RABGEF1: variants seen among roughly 807,000 people sequenced by gnomAD.
RABGEF1 encodes rab5 GDP/GTP exchange factor.
A neutral mutation model predicts 57.3 loss-of-function variants in RABGEF1; 26 were observed. That is an observed-to-expected ratio of 0.45 (90% confidence interval 0.33 to 0.63). RABGEF1 has a LOEUF of 0.63. Ranked by LOEUF, RABGEF1 falls within the 20% of genes least tolerant of loss-of-function variation. RABGEF1 has a pLI of 0.02. For missense variants in RABGEF1, 464 were observed against 607.6 expected (o/e 0.76, Z 2.48); for synonymous variants, 185 against 210.7 (o/e 0.88, Z 1.06).
At chr7:66,664,304 G>T in the RABGEF1 span, among the ~76,000 whole-genome samples, 12 of 152,196 alleles carry the variant, frequency 7.9e-5, no homozygotes, top group East Asian at 2.1e-3. Flanking sequence ...TTTGGGCCAG[G>T]CGCAGTGACT....
At chr7:66,672,103 G>A in the RABGEF1 span, among the ~76,000 whole-genome samples, 2 of 151,590 alleles carry the variant, frequency 1.3e-5, no homozygotes, top group African/African-American at 2.4e-5. Flanking sequence ...GGCTGTGTCC[G>A]GCTGAGACTC....
chr7:66,744,646 C>T (rs1363735181), intron 1 of RABGEF1, among the ~76,000 whole-genome samples: 11 of 134,208 alleles, frequency 8.2e-5, no homozygotes, highest in African/African-American at 2.5e-4. Flanking sequence ...CCAGCCTGGG[C>T]GACAGAGCCA....
Position 66,795,992 on chromosome 7 carries a change from A to T in RABGEF1, c.595+400A>T, listed in dbSNP as rs889228142. Among the ~76,000 whole-genome samples the T allele has an allele frequency of 1.2e-4, 18 of 152,126 alleles. 1 individual carries two copies. The highest frequency in any genetic ancestry group is 1.0e-3 in the Admixed American group (16 of 15,268). On this transcript the variant is annotated intron_variant, in intron 5 of 8. Coordinates refer to ENST00000284957, the MANE Select transcript of RABGEF1 (RefSeq NM_014504.3). ...CGCCTCTATTAAAAATACAAAAAGTAGCCGGGTGTTGTGGTGCACCTCTTA... is the reference window on the plus strand; with the variant it reads ...CGCCTCTATTAAAAATACAAAAAGTTGCCGGGTGTTGTGGTGCACCTCTTA...
the RABGEF1 span, among the ~76,000 whole-genome samples, chr7:66,655,089 T>C: frequency 6.6e-6 from 1 of 152,144 alleles, no homozygotes; most frequent in African/African-American, 2.4e-5. Flanking sequence ...AGACCACAGC[T>C]CTTGGCCGCG....
chr7:66,717,825 G>A (rs1258036354), intron 2 of RABGEF1, among the ~76,000 whole-genome samples: 1 of 152,138 alleles, frequency 6.6e-6, no homozygotes, highest in Admixed American at 6.5e-5. Flanking sequence ...CTCCCAAAGT[G>A]CTGGGATTAC....
chr7:66,659,451 C>CA, the RABGEF1 span, among the ~76,000 whole-genome samples: 844 of 114,772 alleles, frequency 7.4e-3, 6 homozygotes, highest in Middle Eastern at 0.022. Context: ...GACTCCATCT[C>CA]AAAAAAAAAA....
At position 66,779,670 on chromosome 7, in the gene RABGEF1, TA is replaced by T. The variant is rs373692116; in HGVS notation, c.347-3988del. 4.4e-3 allele frequency among the ~76,000 whole-genome samples: 541 copies of T among 124,118 alleles called. 2 individuals carry two copies. Among genetic ancestry groups the T allele is most frequent in the African/African-American group, 9.1e-3 (303 of 33,262 alleles). 81.4% of individuals were successfully genotyped at this position (124,118 alleles called of 152,430 possible). A position where few individuals can be genotyped will look rare whatever the true frequency, so the allele number is the denominator to read the frequency against. ...CTGGGTGACAGAGCGAGACCCTGAT[TA>T]AAAAAAAAAAAAAAAACACCAAAAA... On this transcript the variant is annotated intron_variant, in intron 3 of 8. Coordinates refer to ENST00000284957, the MANE Select transcript of RABGEF1 (RefSeq NM_014504.3).
upstream of RABGEF1, among the ~76,000 whole-genome samples, chr7:66,680,523 C>T (rs200360503): frequency 6.6e-6 from 1 of 151,842 alleles, no homozygotes; most frequent in African/African-American, 2.4e-5. Context: ...GGATTACAGG[C>T]GTGAGCCACC....
rs187873268 is a variant in RABGEF1 at position 66,713,434 on chromosome 7, G to A, written c.-815+1210G>A. Among the ~76,000 whole-genome samples, 554 of 152,278 alleles carry A rather than the reference G, an allele frequency of 3.6e-3. 2 individuals carry two copies. The highest frequency in any genetic ancestry group is 0.014 in the Middle Eastern group (4 of 294). ...TGAGCCACTGCGTCTAGCCCAACCTGTGGGATTTTCTATGGAGACAATCAG... is the reference window on the plus strand; with the variant it reads ...TGAGCCACTGCGTCTAGCCCAACCTATGGGATTTTCTATGGAGACAATCAG... On this transcript the variant is annotated intron_variant and NMD_transcript_variant, in intron 2 of 9. Transcript: ENST00000607882.
At chr7:66,792,706 A>G (rs185088344) in intron 4 of RABGEF1, among the ~76,000 whole-genome samples, 11 of 152,288 alleles carry the variant, frequency 7.2e-5, no homozygotes, top group Admixed American at 7.2e-4. Flanking sequence ...GTAGAAAGAG[A>G]TCTATGGAGA....
intron 1 of RABGEF1, among the ~76,000 whole-genome samples, chr7:66,766,195 C>T (rs1481183117): frequency 6.6e-6 from 1 of 151,676 alleles, no homozygotes; most frequent in Non-Finnish European, 1.5e-5. Context: ...AACAATTAGC[C>T]AGGCATGGTG....
intron 2 of RABGEF1, among the ~76,000 whole-genome samples, chr7:66,721,513 C>T (rs1466004729): frequency 6.6e-6 from 1 of 152,146 alleles, no homozygotes; most frequent in Non-Finnish European, 1.5e-5. Flanking sequence ...TTAAATGCAA[C>T]AGTGCAGCAT....
chr7:66,729,848 A>G (rs1797104106), intron 2 of RABGEF1, among the ~76,000 whole-genome samples: 1 of 152,232 alleles, frequency 6.6e-6, no homozygotes, highest in South Asian at 2.1e-4. Flanking sequence ...CTTTCCTTGC[A>G]TGGCAATGAC....
intron 1 of RABGEF1, among the ~76,000 whole-genome samples, chr7:66,756,933 A>G (rs1280958851): frequency 6.6e-6 from 1 of 152,162 alleles, no homozygotes; most frequent in Non-Finnish European, 1.5e-5. Context: ...TGTATCCTGT[A>G]GTGGTTTGAC....
intron 1 of RABGEF1, among the ~76,000 whole-genome samples, chr7:66,742,074 C>T (rs1799108663): frequency 6.6e-6 from 1 of 151,850 alleles, no homozygotes; most frequent in Non-Finnish European, 1.5e-5. Context: ...TGGCATGAAC[C>T]CGGGAGGCGG....
At chr7:66,716,788 T>C (rs943944673) in intron 2 of RABGEF1, among the ~76,000 whole-genome samples, 3 of 152,176 alleles carry the variant, frequency 2.0e-5, no homozygotes, top group Admixed American at 6.6e-5. Context: ...TTTTGTTTGT[T>C]TGAGACAGGA....
chr7:66,730,912 C>T (rs1797241651), intron 2 of RABGEF1, among the ~76,000 whole-genome samples: 1 of 152,138 alleles, frequency 6.6e-6, no homozygotes, highest in Non-Finnish European at 1.5e-5. Flanking sequence ...GGTATAGCCC[C>T]ACTTTTCAGA....
chr7:66,710,517 C>G (rs1158049525), intron 1 of RABGEF1, among the ~76,000 whole-genome samples: 1 of 152,148 alleles, frequency 6.6e-6, no homozygotes, highest in Non-Finnish European at 1.5e-5. Context: ...TATGAGAGTT[C>G]CAGTCATTTT....
At chr7:66,741,379 G>A (rs1227120402) in intron 1 of RABGEF1, among the ~76,000 whole-genome samples, 1 of 152,244 alleles carries the variant, frequency 6.6e-6, no homozygotes, top group South Asian at 2.1e-4. Flanking sequence ...GCGAGGCTGC[G>A]GGGCCGGGGT....
Sources: gnomAD v4.1 joint callset for allele counts (sites outside exome capture counted in the v4.1 genomes callset) on GRCh38, gnomAD v4.1.1 for gene constraint, MANE v1.5 for transcripts, NCBI Gene and HGNC (gene_info 2026-07-23, HGNC 2026-07-21) for gene names.